The following CNTN4 variants were observed in gnomAD, a reference collection of about 807,000 sequenced individuals.
CNTN4 encodes the protein contactin 4, also known as contactin-4.
A neutral mutation model predicts 122.5 loss-of-function variants in CNTN4; 77 were observed. The ratio of observed to expected loss-of-function variants is 0.63; its 90% CI spans 0.52 to 0.76. The LOEUF (loss-of-function observed/expected upper bound fraction) is 0.76, where lower values mean the gene tolerates loss of function less well. CNTN4 is among the 30% of genes least tolerant of loss of function. The pLI, the probability that CNTN4 is intolerant of heterozygous loss-of-function variation, is 0.00. For missense variants in CNTN4, 1,256 were observed against 1,259.1 expected (o/e 1.00, Z 0.04); for synonymous variants, 512 against 447.0 (o/e 1.15, Z -1.83).
chr3:2,828,534 A>C (rs1281089515), intron 7 of CNTN4, among the ~76,000 whole-genome samples: 1 of 152,194 alleles, frequency 6.6e-6, no homozygotes, highest in Non-Finnish European at 1.5e-5. Context: ...GAGGTCAGCC[A>C]AACTTGGTTT....
Position 2,208,221 on chromosome 3 carries a change from T to G in CNTN4, c.-145+107582T>G, listed in dbSNP as rs141262976. 1.7e-3 allele frequency among the ~76,000 whole-genome samples: 255 copies of G among 152,228 alleles called. 1 individual carries two copies. The highest frequency in any genetic ancestry group is 3.2e-3 in the Non-Finnish European group (218 of 67,986). On this transcript the variant is annotated intron_variant, in intron 2 of 24. Transcript: ENST00000418658. Reference sequence around the variant, plus strand: ...ACCATTTTCTATGCCATAAAGAACATTTTTGCGAATCAAAGGAGGAGCCCA... The same window carrying G: ...ACCATTTTCTATGCCATAAAGAACAGTTTTGCGAATCAAAGGAGGAGCCCA...
chr3:2,405,549 C>A (rs1346675529), intron 3 of CNTN4, among the ~76,000 whole-genome samples: 1 of 151,670 alleles, frequency 6.6e-6, no homozygotes, highest in Non-Finnish European at 1.5e-5. Flanking sequence ...TTTATTTAAC[C>A]CATAGAATAA....
At chr3:2,139,974 T>C (rs764756750) in intron 2 of CNTN4, among the ~76,000 whole-genome samples, 10 of 152,324 alleles carry the variant, frequency 6.6e-5, no homozygotes, top group Non-Finnish European at 1.2e-4. Context: ...TGGGAGGTGA[T>C]TGAATCATGG....
intron 2 of CNTN4, among the ~76,000 whole-genome samples, chr3:2,131,501 C>G (rs1162898858): frequency 6.6e-6 from 1 of 152,132 alleles, no homozygotes; most frequent in African/African-American, 2.4e-5. Context: ...CAGTAAGATT[C>G]AGATGAGAGA....
intron 2 of CNTN4, among the ~76,000 whole-genome samples, chr3:2,104,283 A>G (rs2032249232): frequency 1.3e-5 from 2 of 150,310 alleles, no homozygotes; most frequent in African/African-American, 4.9e-5. Context: ...TTATGATTTA[A>G]TGGGGTTGGA....
At chr3:2,279,894 A>G (rs1371510836) in intron 2 of CNTN4, among the ~76,000 whole-genome samples, 1 of 150,800 alleles carries the variant, frequency 6.6e-6, no homozygotes, top group East Asian at 1.9e-4. Flanking sequence ...ATTCCTTTAT[A>G]TATCTATAAA....
chr3:2,836,317 A>T (rs2150435495), intron 7 of CNTN4, among the ~76,000 whole-genome samples: 1 of 152,336 alleles, frequency 6.6e-6, no homozygotes, highest in East Asian at 1.9e-4. Flanking sequence ...TGGCACAGCA[A>T]AGACAAGATG....
chr3:2,976,508 T>C (rs1693426914), intron 13 of CNTN4, among the ~76,000 whole-genome samples: 1 of 147,742 alleles, frequency 6.8e-6, no homozygotes, highest in African/African-American at 2.5e-5. Context: ...GTGATGTCTA[T>C]TGCCACCACA....
At chr3:2,398,520 T>C (rs1250590877) in intron 3 of CNTN4, among the ~76,000 whole-genome samples, 1 of 152,152 alleles carries the variant, frequency 6.6e-6, no homozygotes, top group East Asian at 1.9e-4. Flanking sequence ...ATTCATTATA[T>C]TGCCATTGAG....
Position 2,348,182 on chromosome 3 carries a change from T to A in CNTN4, c.-89+8949T>A, listed in dbSNP as rs181322276. The stretch of plus-strand genomic sequence containing the variant: ...TCTTTAGGATATAAAAGGTCACATA[T>A]CAGTTTTTGTTAACTTCTTGCATTT... On this transcript the variant is annotated intron_variant, in intron 3 of 24. Transcript: ENST00000418658. Among the ~76,000 whole-genome samples, 31 of 152,346 alleles carry A rather than the reference T, an allele frequency of 2.0e-4. No homozygotes were observed. In the East Asian group the frequency reaches 5.4e-3, roughly 26 times the overall value.
intron 2 of CNTN4, among the ~76,000 whole-genome samples, chr3:2,310,778 G>A (rs530750621): frequency 2.4e-3 from 365 of 152,162 alleles, no homozygotes; most frequent in Non-Finnish European, 3.9e-3. Context: ...AAACTCACTC[G>A]TTCTGTGCTC....
At chr3:2,998,441 T>C (rs1357347345) in intron 14 of CNTN4, among the ~76,000 whole-genome samples, 2 of 152,134 alleles carry the variant, frequency 1.3e-5, no homozygotes, top group South Asian at 2.1e-4. Context: ...CCCAGGAATT[T>C]TCATTTTCAA....
intron 3 of CNTN4, among the ~76,000 whole-genome samples, chr3:2,389,062 G>A (rs1235122351): frequency 6.6e-6 from 1 of 151,888 alleles, no homozygotes; most frequent in East Asian, 1.9e-4. Context: ...TCCGGAGGCT[G>A]AGGCAGGAGA....
intron 12 of CNTN4, 80 bp from the exon 13 acceptor site, chr3:2,925,549 A>T: frequency 1.4e-6 from 2 of 1,463,098 alleles, no homozygotes; most frequent in Non-Finnish European, 1.9e-6. Flanking sequence ...TGTCTCAAAA[A>T]AGAAAGAAAG....
At chr3:2,330,464 A>G (rs1364567169) in intron 2 of CNTN4, among the ~76,000 whole-genome samples, 2 of 152,136 alleles carry the variant, frequency 1.3e-5, no homozygotes, top group Non-Finnish European at 2.9e-5. Flanking sequence ...TACCCTTCTA[A>G]AAGACTTATC....
chr3:3,042,227 T>C, intron 20 of CNTN4, 83 bp from the exon 21 acceptor site: 3 of 1,010,424 alleles, frequency 3.0e-6, no homozygotes, highest in Non-Finnish European at 4.7e-6. Context: ...AACCATGAAT[T>C]ATTTTACCTT....
At chr3:2,740,388 T>G (rs1333912289) in intron 5 of CNTN4, among the ~76,000 whole-genome samples, 1 of 152,086 alleles carries the variant, frequency 6.6e-6, no homozygotes, top group Non-Finnish European at 1.5e-5. Context: ...AAAGTCAGTA[T>G]GCCAGAGCAG....
At chr3:2,528,091 G>A (rs894947721) in intron 3 of CNTN4, among the ~76,000 whole-genome samples, 2 of 152,134 alleles carry the variant, frequency 1.3e-5, no homozygotes, top group African/African-American at 4.8e-5. Context: ...GTAAGTAGGT[G>A]TTCAGATTTT....
intron 14 of CNTN4, among the ~76,000 whole-genome samples, chr3:3,021,286 GA>G (rs1396873240): frequency 1.3e-5 from 2 of 151,950 alleles, no homozygotes; most frequent in African/African-American, 4.8e-5. Context: ...GATTTTTATT[GA>G]AAAAATGGTG....
Sources: gnomAD v4.1 joint callset for allele counts (sites outside exome capture counted in the v4.1 genomes callset) on GRCh38, gnomAD v4.1.1 for gene constraint, MANE v1.5 for transcripts, NCBI Gene and HGNC (gene_info 2026-07-23, HGNC 2026-07-21) for gene names.